Variants in CDH12 observed in about 807,000 individuals in gnomAD.
CDH12 encodes the protein cadherin-12.
Under a neutral mutation model 74.1 loss-of-function variants are expected in CDH12, and 41 were observed. That is an observed-to-expected ratio of 0.55 (90% confidence interval 0.43 to 0.72). The LOEUF (loss-of-function observed/expected upper bound fraction) is 0.72, where lower values mean the gene tolerates loss of function less well. Among genes scored for constraint, CDH12 ranks in the 30% least tolerant of loss-of-function variants. The probability of loss-of-function intolerance (pLI) is 0.00; values close to 1 mark genes in which losing one functional copy is unlikely to be tolerated. For missense variants in CDH12, 945 were observed against 977.2 expected (o/e 0.97, Z 0.44); for synonymous variants, 399 against 355.0 (o/e 1.12, Z -1.39).
chr5:22,032,693 G>A (rs367797168), intron 5 of CDH12, among the ~76,000 whole-genome samples: 267 of 142,802 alleles, frequency 1.9e-3, no homozygotes, highest in African/African-American at 7.0e-3. Context: ...GGGCGATAGA[G>A]TGAGATTCCA....
chr5:22,136,782 A>G (rs1167066694), intron 4 of CDH12, among the ~76,000 whole-genome samples: 1 of 151,140 alleles, frequency 6.6e-6, no homozygotes, highest in Non-Finnish European at 1.5e-5. Flanking sequence ...GAAAGAAAAA[A>G]TAATGCTGAT....
intron 3 of CDH12, among the ~76,000 whole-genome samples, chr5:22,315,323 C>T (rs571257761): frequency 6.6e-6 from 1 of 151,586 alleles, no homozygotes; most frequent in African/African-American, 2.4e-5. Flanking sequence ...CAGTAAACAA[C>T]AACAACAGCA....
intron 3 of CDH12, among the ~76,000 whole-genome samples, chr5:22,248,844 T>C (rs1753043795): frequency 6.6e-6 from 1 of 152,004 alleles, no homozygotes; most frequent in South Asian, 2.1e-4. Flanking sequence ...TTCTAAAATA[T>C]AATATTTTCT....
chr5:22,642,765 A>T (rs1217231683), intron 1 of CDH12, among the ~76,000 whole-genome samples: 2 of 152,170 alleles, frequency 1.3e-5, no homozygotes, highest in African/African-American at 4.8e-5. Context: ...GATTTACTAA[A>T]GTTTTCAAAG....
chr5:22,729,407 A>T (rs906746913), intron 1 of CDH12, among the ~76,000 whole-genome samples: 1 of 151,862 alleles, frequency 6.6e-6, no homozygotes. Context: ...ATGTTATTAC[A>T]TTGCACTACC....
chr5:22,372,284 G>C (rs1741327111), intron 3 of CDH12, among the ~76,000 whole-genome samples: 2 of 152,176 alleles, frequency 1.3e-5, no homozygotes, highest in African/African-American at 4.8e-5. Context: ...GGACTCAACA[G>C]AGAAGGGAAG....
At chr5:22,272,262 T>C (rs1201447154) in intron 3 of CDH12, among the ~76,000 whole-genome samples, 1 of 152,222 alleles carries the variant, frequency 6.6e-6, no homozygotes, top group Admixed American at 6.5e-5. Context: ...CCAACCTCTG[T>C]TAGATTCCAA....
intron 3 of CDH12, among the ~76,000 whole-genome samples, chr5:22,345,034 G>A (rs749912475): frequency 9.9e-5 from 15 of 152,116 alleles, no homozygotes; most frequent in African/African-American, 3.4e-4. Flanking sequence ...GTGTTCTGAC[G>A]AACTTTGATT....
intron 7 of CDH12, among the ~76,000 whole-genome samples, chr5:21,846,828 T>C (rs775267627): frequency 2.8e-4 from 42 of 152,188 alleles, no homozygotes; most frequent in Non-Finnish European, 5.4e-4. Flanking sequence ...TTAATCATTC[T>C]GAATAATGTC....
chr5:21,932,408 TTAAAA>T (rs778017360), intron 6 of CDH12, among the ~76,000 whole-genome samples: 3 of 152,176 alleles, frequency 2.0e-5, no homozygotes, highest in Non-Finnish European at 4.4e-5. Flanking sequence ...ATCATTGTGA[TTAAAA>T]TAAAAGTCAT....
chr5:21,781,287 T>C (rs1745893422), intron 11 of CDH12, among the ~76,000 whole-genome samples: 1 of 152,164 alleles, frequency 6.6e-6, no homozygotes, highest in Non-Finnish European at 1.5e-5. Flanking sequence ...TAAGAAGTTA[T>C]AAGGTCTACC....
chr5:22,138,569 A>T (rs976372678), intron 4 of CDH12, among the ~76,000 whole-genome samples: 3 of 150,846 alleles, frequency 2.0e-5, no homozygotes, highest in Non-Finnish European at 4.4e-5. Flanking sequence ...GGTTATTTAA[A>T]TGAATTCTTC....
intron 1 of CDH12, among the ~76,000 whole-genome samples, chr5:22,664,533 T>C (rs966147583): frequency 2.0e-5 from 3 of 152,122 alleles, no homozygotes; most frequent in Non-Finnish European, 4.4e-5. Context: ...CCTTGACTCG[T>C]AGGGATTATG....
intron 3 of CDH12, among the ~76,000 whole-genome samples, chr5:22,305,840 G>A (rs1454446260): frequency 1.3e-5 from 2 of 151,994 alleles, no homozygotes; most frequent in Non-Finnish European, 2.9e-5. Context: ...GCTTTGCTGC[G>A]ACTACCTTGA....
intron 2 of CDH12, among the ~76,000 whole-genome samples, chr5:22,417,203 G>A (rs1354220072): frequency 3.3e-5 from 5 of 152,188 alleles, no homozygotes; most frequent in Admixed American, 6.5e-5. Flanking sequence ...AGTAGAGAAA[G>A]TAGCATTGTT....
intron 5 of CDH12, among the ~76,000 whole-genome samples, chr5:22,032,329 A>G (rs1738872454): frequency 6.6e-6 from 1 of 152,156 alleles, no homozygotes; most frequent in Non-Finnish European, 1.5e-5. Flanking sequence ...CCCATTATAT[A>G]TTAAGTGTAG....
At chr5:22,074,332 A>G (rs1405634726) in intron 5 of CDH12, among the ~76,000 whole-genome samples, 1 of 152,216 alleles carries the variant, frequency 6.6e-6, no homozygotes, top group East Asian at 1.9e-4. Context: ...TTAAAGACTT[A>G]AATGTTAGAC....
chr5:22,500,176 A>G (rs1166954004), intron 2 of CDH12, among the ~76,000 whole-genome samples: 2 of 152,196 alleles, frequency 1.3e-5, no homozygotes, highest in Non-Finnish European at 2.9e-5. Flanking sequence ...TATCTTCAAC[A>G]CAAAATGAAA....
chr5:22,081,534 T>C (rs902022806), intron 4 of CDH12, among the ~76,000 whole-genome samples: 1 of 152,196 alleles, frequency 6.6e-6, no homozygotes, highest in Admixed American at 6.5e-5. Flanking sequence ...TTCCCAAATC[T>C]ATTCTAGAAT....
Sources: gnomAD v4.1 joint callset for allele counts (sites outside exome capture counted in the v4.1 genomes callset) on GRCh38, gnomAD v4.1.1 for gene constraint, MANE v1.5 for transcripts, NCBI Gene and HGNC (gene_info 2026-07-23, HGNC 2026-07-21) for gene names.